Variants in BCAT1 observed in about 807,000 individuals in gnomAD.
The protein encoded by BCAT1 is branched-chain-amino-acid aminotransferase, cytosolic.
BCAT1 carries 48 observed loss-of-function variants against 52.4 expected under a neutral mutation model. The observed-to-expected ratio is 0.92, with a 90% CI of 0.73 to 1.16. The LOEUF is 1.16. Among genes scored for constraint, BCAT1 ranks in the 50% most tolerant of loss-of-function variants. BCAT1 has a pLI of 0.00. For missense variants in BCAT1, 451 were observed against 457.1 expected (o/e 0.99, Z 0.12); for synonymous variants, 167 against 161.3 (o/e 1.04, Z -0.27).
At position 24,879,138 on chromosome 12, in the gene BCAT1, C is replaced by A. The variant is rs115780241; in HGVS notation, c.391-489G>T. Among the ~76,000 whole-genome samples, 1,143 of 152,010 alleles carry A rather than the reference C, an allele frequency of 7.5e-3. 9 individuals carry two copies. Among genetic ancestry groups the A allele is most frequent in the African/African-American group, 0.027 (1,106 of 41,494 alleles). ...TGTGACCTTAAGGTAGGAAAGGATTCTTAAGTAGGAGATGTAAAACACAAA... is the reference window on the plus strand; with the variant it reads ...TGTGACCTTAAGGTAGGAAAGGATTATTAAGTAGGAGATGTAAAACACAAA... On this transcript the variant is annotated intron_variant, in intron 4 of 10. Transcript: ENST00000261192.
At chr12:24,854,662 A>T (rs879734629) in intron 5 of BCAT1, among the ~76,000 whole-genome samples, 2 of 152,184 alleles carry the variant, frequency 1.3e-5, no homozygotes, top group Non-Finnish European at 1.5e-5. Context: ...AATAGTATGC[A>T]TTGCTTTTTG....
At chr12:24,911,667 TC>T (rs1217667659) in intron 1 of BCAT1, among the ~76,000 whole-genome samples, 1 of 152,164 alleles carries the variant, frequency 6.6e-6, no homozygotes, top group Non-Finnish European at 1.5e-5. Context: ...GTCTGTGGGC[TC>T]CTGCACTTGC....
rs375854560 is a variant in BCAT1, at chr12:24,935,538, T to A, written c.6+13389A>T. Among the ~76,000 whole-genome samples the A allele has an allele frequency of 3.9e-5, 6 of 152,182 alleles. No homozygotes were observed. In the East Asian group the frequency reaches 7.7e-4, roughly 20 times the overall value. ...CACAAGGAACTCACCCTTGGCTTCCTCTCCAGAGCACACTTTCCTGACAAT... is the reference window on the plus strand; with the variant it reads ...CACAAGGAACTCACCCTTGGCTTCCACTCCAGAGCACACTTTCCTGACAAT... On this transcript the variant is annotated intron_variant, in intron 1 of 10. Coordinates refer to ENST00000261192, the MANE Select transcript of BCAT1 (RefSeq NM_005504.7).
At position 24,812,647 on chromosome 12, in the gene BCAT1, A is replaced by G. The variant is rs950020942; in HGVS notation, c.*5361T>C. 1.3e-5 allele frequency: 2 copies of G among 152,036 alleles called. No individual in the cohort carries two copies. Among genetic ancestry groups the G allele is most frequent in the Non-Finnish European group, 2.9e-5 (2 of 67,898 alleles). 9.4% of individuals were successfully genotyped at this position (152,036 alleles called of 1,614,324 possible). On this transcript the variant is annotated 3_prime_UTR_variant, in exon 11 of 11. Coordinates refer to ENST00000261192, the MANE Select transcript of BCAT1 (RefSeq NM_005504.7). The stretch of plus-strand genomic sequence containing the variant: ...TCTCAATGCTTGACAGAATAAGGAA[A>G]AAGCTCCTTTGGATAACACAAAAAT...
In BCAT1 at chr12:24,894,328, G is replaced by A. The variant is rs747174011; in HGVS notation, c.226C>T (p.Leu76Phe). The change falls in exon 3 of 11, where the codon CTT becomes TTT. Residue 76 changes from leucine to phenylalanine, a missense_variant. By Grantham distance (22) the Leu-to-Phe change is conservative (BLOSUM62 0). Coordinates refer to ENST00000261192, the MANE Select transcript of BCAT1 (RefSeq NM_005504.7). ...CCAGGGTGCAATGACAGGTTCTGAA[G>A]AGGCTTGATATGAGGTTTCTCCCAT... Reference protein sequence around the residue: ...FGWEKPHIKPLQNLSLHPGSS... With the variant: ...FGWEKPHIKPFQNLSLHPGSS... 10 of 1,613,866 alleles carry A rather than the reference G, an allele frequency of 6.2e-6. No homozygotes were observed. In the East Asian group the frequency reaches 1.1e-4, roughly 18 times the overall value.
chr12:24,864,079 A>G (rs1941931781), intron 5 of BCAT1, among the ~76,000 whole-genome samples: 4 of 152,332 alleles, frequency 2.6e-5, no homozygotes, highest in Non-Finnish European at 1.5e-5. Context: ...CTTTTGTACT[A>G]TAAAAGCAGA....
Position 24,843,317 on chromosome 12 carries a change from C to T in BCAT1, c.675-1093G>A, listed in dbSNP as rs541658413. 1.6e-4 allele frequency among the ~76,000 whole-genome samples: 24 copies of T among 150,348 alleles called. No individual in the cohort carries two copies. In the South Asian group the frequency reaches 5.2e-3, roughly 33 times the overall value. ...TACTGTTGTCTAAATAAAAGTTGAGCATGAGGCCAGGCGCGGTGGCTTATG... is the reference window on the plus strand; with the variant it reads ...TACTGTTGTCTAAATAAAAGTTGAGTATGAGGCCAGGCGCGGTGGCTTATG... On this transcript the variant is annotated intron_variant, in intron 6 of 10. Transcript: ENST00000261192.
intron 3 of BCAT1, among the ~76,000 whole-genome samples, chr12:24,887,061 T>TAAA (rs1171691492): frequency 9.2e-4 from 7 of 7,580 alleles, no homozygotes; most frequent in African/African-American, 1.9e-3. Flanking sequence ...AGATGCTAGC[T>TAAA]AAAAAAAAAA....
At chr12:24,829,953 C>G in intron 9 of BCAT1, 56 bp from the exon 10 acceptor site, 1 of 1,334,508 alleles carries the variant, frequency 7.5e-7, no homozygotes, top group Non-Finnish European at 1.0e-6. Flanking sequence ...ATGGTGATAA[C>G]AGATAAGACA....
Position 24,878,659 on chromosome 12 carries a change from T to C in BCAT1, c.391-10A>G, listed in dbSNP as rs757830935. ...CTTCTTTGTCAAATACCTGAAAGAA[T>C]GAAAAACATAATAAATGACAGAATT... On this transcript the variant is annotated splice_polypyrimidine_tract_variant and intron_variant, in intron 4 of 10. Transcript: ENST00000261192. 1 of 1,595,850 alleles carries C rather than the reference T, an allele frequency of 6.3e-7. No individual in the cohort carries two copies. The highest frequency in any genetic ancestry group is 8.5e-7 in the Non-Finnish European group (1 of 1,171,048).
chr12:24,899,241 GA>G (rs1943031898), intron 2 of BCAT1, among the ~76,000 whole-genome samples: 1 of 152,084 alleles, frequency 6.6e-6, no homozygotes, highest in East Asian at 1.9e-4. Flanking sequence ...GGGGAGGGGA[GA>G]AGAAATACGA....
intron 5 of BCAT1, among the ~76,000 whole-genome samples, chr12:24,873,566 ATCCAAAAAGCTTCAG>A (rs983818220): frequency 1.3e-5 from 2 of 152,190 alleles, no homozygotes; most frequent in African/African-American, 2.4e-5. Context: ...GCTATACCTT[ATCCAAAAAGCTTCAG>A]TCCAAAAAGC....
chr12:24,937,793 C>T (rs1943785191), intron 1 of BCAT1, among the ~76,000 whole-genome samples: 1 of 152,126 alleles, frequency 6.6e-6, no homozygotes, highest in African/African-American at 2.4e-5. Context: ...CACATATATT[C>T]AGTGAAGAGA....
intron 5 of BCAT1, among the ~76,000 whole-genome samples, chr12:24,853,582 C>T (rs1000703389): frequency 2.0e-5 from 3 of 152,122 alleles, no homozygotes; most frequent in African/African-American, 4.8e-5. Context: ...GCACATGTAA[C>T]TCCTGACTCT....
At chr12:24,904,017 A>G (rs1943181824) in intron 1 of BCAT1, 1 of 152,174 alleles carries the variant, frequency 6.6e-6, no homozygotes, top group Non-Finnish European at 1.5e-5. Context: ...TACTGATAAT[A>G]TACTGTAGCT....
At chr12:24,865,870 G>A (rs1442323919) in intron 5 of BCAT1, among the ~76,000 whole-genome samples, 1 of 152,148 alleles carries the variant, frequency 6.6e-6, no homozygotes, top group Non-Finnish European at 1.5e-5. Flanking sequence ...TAATCAACAA[G>A]AGACTGGTTA....
intron 1 of BCAT1, among the ~76,000 whole-genome samples, chr12:24,927,323 G>T (rs570616406): frequency 5.1e-4 from 77 of 151,692 alleles, no homozygotes; most frequent in African/African-American, 1.7e-3. Flanking sequence ...AAAAAGAAAA[G>T]AAAAGAAAAG....
intron 5 of BCAT1, among the ~76,000 whole-genome samples, chr12:24,856,632 C>G (rs1055398528): frequency 2.0e-5 from 3 of 151,950 alleles, no homozygotes; most frequent in Non-Finnish European, 1.5e-5. Context: ...AGAGCTCTTA[C>G]CAGAAATCAG....
intron 7 of BCAT1, 75 bp from the exon 8 acceptor site, chr12:24,836,671 T>C (rs1056465942): frequency 2.4e-6 from 3 of 1,229,184 alleles, no homozygotes; most frequent in Non-Finnish European, 3.5e-6. Context: ...GCCATTTTTT[T>C]AAAAAACCAT....
Sources: allele counts gnomAD v4.1 joint callset (sites outside exome capture counted in the v4.1 genomes callset), GRCh38; gene constraint gnomAD v4.1.1; transcripts MANE v1.5; gene names NCBI Gene and HGNC (gene_info 2026-07-23, HGNC 2026-07-21).